ZC3H8: variants seen among roughly 807,000 people sequenced by gnomAD.
ZC3H8 encodes the protein zinc finger CCCH-type containing 8.
ZC3H8 carries 27 observed loss-of-function variants against 42.5 expected under a neutral mutation model. The ratio of observed to expected loss-of-function variants is 0.64; its 90% CI spans 0.47 to 0.88. The LOEUF (loss-of-function observed/expected upper bound fraction) is 0.88, where lower values mean the gene tolerates loss of function less well. Among genes scored for constraint, ZC3H8 ranks in the 40% least tolerant of loss-of-function variants. ZC3H8 has a pLI of 0.00. For missense variants in ZC3H8, 277 were observed against 336.1 expected (o/e 0.82, Z 1.37); for synonymous variants, 101 against 110.1 (o/e 0.92, Z 0.52).
chr2:112,245,408 C>T (rs1157644719), intron 2 of ZC3H8, among the ~76,000 whole-genome samples: 2 of 152,214 alleles, frequency 1.3e-5, no homozygotes, highest in Non-Finnish European at 2.9e-5. Context: ...AATCCCAGCA[C>T]TTTGGGAGGC....
chr2:112,233,236 A>G, intron 6 of ZC3H8, 24 bp downstream of exon 6: 1 of 1,304,960 alleles, frequency 7.7e-7, no homozygotes, highest in Non-Finnish European at 1.1e-6. Flanking sequence ...TTATAAAGTC[A>G]CCATATCTTG....
chr2:112,249,437 T>G (rs534537363), intron 2 of ZC3H8, among the ~76,000 whole-genome samples: 60 of 151,704 alleles, frequency 4.0e-4, no homozygotes, highest in African/African-American at 5.8e-4. Context: ...AGTTCTGGGG[T>G]TTTTTTTGTT....
intron 8 of ZC3H8, among the ~76,000 whole-genome samples, chr2:112,222,064 G>A (rs1007869956): frequency 6.6e-6 from 1 of 151,910 alleles, no homozygotes; most frequent in Non-Finnish European, 1.5e-5. Flanking sequence ...ATAACCTTGG[G>A]GGTTTGATTA....
intron 1 of ZC3H8, among the ~76,000 whole-genome samples, chr2:112,251,600 C>T (rs1318956277): frequency 1.3e-5 from 2 of 152,208 alleles, no homozygotes; most frequent in Non-Finnish European, 2.9e-5. Context: ...CTGCTCCATA[C>T]ACGTAACACT....
At chr2:112,254,841 A>G (rs1414910887) in intron 1 of ZC3H8, 67 bp downstream of exon 1, 17 of 1,546,682 alleles carry the variant, frequency 1.1e-5, no homozygotes, top group Non-Finnish European at 1.3e-5. Context: ...CCTCCAATCC[A>G]GAAGAAACTA....
intron 1 of ZC3H8, among the ~76,000 whole-genome samples, chr2:112,250,591 G>A (rs1209574627): frequency 1.3e-5 from 2 of 152,168 alleles, no homozygotes; most frequent in Non-Finnish European, 2.9e-5. Flanking sequence ...CGAGGCTCCG[G>A]GCCTTAGGCC....
intron 1 of ZC3H8, among the ~76,000 whole-genome samples, chr2:112,251,394 C>T (rs1013305275): frequency 7.9e-5 from 12 of 152,208 alleles, no homozygotes; most frequent in African/African-American, 2.7e-4. Context: ...AGTTGTGAGC[C>T]TGCTACAGAA....
At chr2:112,250,376 A>G (rs1367254340) in intron 1 of ZC3H8, 104 bp from the exon 2 acceptor site, 8 of 693,008 alleles carry the variant, frequency 1.2e-5, no homozygotes, top group Non-Finnish European at 1.8e-5. Flanking sequence ...ACTTACCCTC[A>G]AAGAAATTAC....
At chr2:112,235,989 T>G (rs980791543) in intron 4 of ZC3H8, among the ~76,000 whole-genome samples, 1 of 147,528 alleles carries the variant, frequency 6.8e-6, no homozygotes, top group African/African-American at 2.5e-5. Context: ...GGCTCATGCC[T>G]GTAATCCCAG....
rs151037240 is a variant in ZC3H8, at chr2:112,243,874, G to A, written c.157-5346C>T. ...AACTATCATTTGAGAAAAAGAACTC[G>A]AAAATTTAAAAATACACAAAGATAT... On this transcript the variant is annotated intron_variant, in intron 2 of 8. Coordinates refer to ENST00000409573, the MANE Select transcript of ZC3H8 (RefSeq NM_032494.3). Among the ~76,000 whole-genome samples the A allele has an allele frequency of 7.1e-3, 1,073 of 151,546 alleles. 15 individuals are homozygous for A. Among genetic ancestry groups the A allele is most frequent in the African/African-American group, 0.025 (1,026 of 41,324 alleles).
At chr2:112,254,853 G>C in intron 1 of ZC3H8, 55 bp downstream of exon 1, 16 of 1,575,220 alleles carry the variant, frequency 1.0e-5, no homozygotes, top group Non-Finnish European at 1.4e-5. Context: ...AAGAAACTAA[G>C]AGGCGGAGTC....
intron 2 of ZC3H8, among the ~76,000 whole-genome samples, chr2:112,243,910 A>T (rs558173186): frequency 6.6e-6 from 1 of 152,230 alleles, no homozygotes; most frequent in African/African-American, 2.4e-5. Context: ...TAAAAAATAT[A>T]TTCAAAAACA....
intron 8 of ZC3H8, among the ~76,000 whole-genome samples, chr2:112,216,678 T>A (rs1400891967): frequency 1.7e-5 from 2 of 114,642 alleles, no homozygotes; most frequent in African/African-American, 3.6e-5. Flanking sequence ...AGATTAGAAC[T>A]GAAGCAAAAA....
intron 2 of ZC3H8, among the ~76,000 whole-genome samples, chr2:112,244,743 A>G (rs749726183): frequency 6.6e-6 from 1 of 152,160 alleles, no homozygotes; most frequent in Non-Finnish European, 1.5e-5. Flanking sequence ...GTAATTTTTG[A>G]GGGGGTGCCA....
rs895507524 is a variant in ZC3H8 at position 112,215,279 on chromosome 2, C to T, written c.*1205G>A. On this transcript the variant is annotated 3_prime_UTR_variant, in exon 9 of 9. Transcript: ENST00000409573. ...CTTAAATAAGAAGTGCCTTGCCCAC[C>T]TCCCGAGCCACAGCTGAGAAGCGAA... 6.6e-6 allele frequency: 1 copy of T among 152,138 alleles called. No individual in the cohort carries two copies. Among genetic ancestry groups the T allele is most frequent in the African/African-American group, 2.4e-5 (1 of 41,424 alleles). The allele number at this position is 152,138 out of a possible 1,614,324, so 9.4% of individuals were successfully genotyped here. A position where few individuals can be genotyped will look rare whatever the true frequency, so the allele number is the denominator to read the frequency against.
At chr2:112,247,984 A>G (rs1456400993) in intron 2 of ZC3H8, among the ~76,000 whole-genome samples, 1 of 152,242 alleles carries the variant, frequency 6.6e-6, no homozygotes, top group Non-Finnish European at 1.5e-5. Context: ...GGCTTCCAAG[A>G]AGATGAAGAT....
At chr2:112,231,753 CTTAA>C (rs773646250) in intron 7 of ZC3H8, 81 bp downstream of exon 7, 62 of 780,040 alleles carry the variant, frequency 7.9e-5, no homozygotes, top group Non-Finnish European at 1.1e-4. Context: ...AGGCACTCTC[CTTAA>C]TTATCTTCAA....
chr2:112,240,986 CGCGTGT>C (rs796117946), intron 2 of ZC3H8, among the ~76,000 whole-genome samples: 42 of 120,300 alleles, frequency 3.5e-4, no homozygotes, highest in South Asian at 1.0e-3. Flanking sequence ...TGTGTGTGTG[CGCGTGT>C]GTATGTGTGT....
rs1166711844 is a variant in ZC3H8 at position 112,213,775 on chromosome 2, C to CAAAAAAA, written c.*2702_*2708dup. 1.1e-3 allele frequency: 27 copies of CAAAAAAA among 24,076 alleles called. 2 individuals are homozygous for CAAAAAAA. Among genetic ancestry groups the CAAAAAAA allele is most frequent in the African/African-American group, 5.2e-3 (26 of 5,028 alleles). The allele number at this position is 24,076 out of a possible 1,614,324, so 1.5% of individuals were successfully genotyped here. On this transcript the variant is annotated 3_prime_UTR_variant, in exon 9 of 9. Coordinates refer to ENST00000409573, the MANE Select transcript of ZC3H8 (RefSeq NM_032494.3). ...TGGGCGACAGAGCGAGACTCCGTCT[C>CAAAAAAA]AAAAAAAAAAAAAAAAAAAAAAAAA...
Sources: allele counts gnomAD v4.1 joint callset (sites outside exome capture counted in the v4.1 genomes callset), GRCh38; gene constraint gnomAD v4.1.1; transcripts MANE v1.5; gene names NCBI Gene and HGNC (gene_info 2026-07-23, HGNC 2026-07-21).